The following PSPH variants were observed in gnomAD, a reference collection of about 807,000 sequenced individuals.
PSPH encodes the protein L-3-phosphoserine phosphatase.
A neutral mutation model predicts 23.4 loss-of-function variants in PSPH; 16 were observed. That is an observed-to-expected ratio of 0.68 (90% CI 0.46 to 1.04). The LOEUF (loss-of-function observed/expected upper bound fraction) is 1.04. Among genes scored for constraint, PSPH ranks in the 50% least tolerant of loss-of-function variants. The pLI is 0.00. For synonymous variants in PSPH, 68 were observed against 99.7 expected (o/e 0.68, Z 1.89); for missense variants, 223 against 273.7 (o/e 0.81, Z 1.31).
Position 56,011,680 on chromosome 7 carries a change from G to C in PSPH, c.*82C>G, listed in dbSNP as rs560531418. Reference sequence around the variant, plus strand: ...CAACTTTCTATAGCAAGTTGTAATAGGCAACTGTAAGCAAACAGTATCAAT... The same window carrying C: ...CAACTTTCTATAGCAAGTTGTAATACGCAACTGTAAGCAAACAGTATCAAT... On this transcript the variant is annotated 3_prime_UTR_variant, in exon 8 of 8. Transcript: ENST00000275605. 1 of 1,094,026 alleles carries C rather than the reference G, an allele frequency of 9.1e-7. No homozygotes were observed. Among genetic ancestry groups the C allele is most frequent in the Non-Finnish European group, 1.4e-6 (1 of 712,686 alleles). 67.8% of individuals were successfully genotyped at this position (1,094,026 alleles called of 1,614,324 possible). A position where few individuals can be genotyped will look rare whatever the true frequency, so the allele number is the denominator to read the frequency against.
At chr7:56,028,532 A>T (rs1433291231) in intron 3 of PSPH, among the ~76,000 whole-genome samples, 1 of 152,104 alleles carries the variant, frequency 6.6e-6, no homozygotes, top group Non-Finnish European at 1.5e-5. Context: ...ATGCTGGCCA[A>T]AATAGAATGT....
At chr7:56,012,148 G>A (rs1169936538) in intron 7 of PSPH, among the ~76,000 whole-genome samples, 1 of 151,552 alleles carries the variant, frequency 6.6e-6, no homozygotes, top group South Asian at 2.1e-4. Flanking sequence ...CTTCCAAAGT[G>A]CTGGGATTAC....
At chr7:56,020,486 G>A (rs1010829449) in intron 4 of PSPH, among the ~76,000 whole-genome samples, 14 of 151,834 alleles carry the variant, frequency 9.2e-5, no homozygotes, top group Non-Finnish European at 2.1e-4. Context: ...TTAGCCGAGC[G>A]TGGTGGCATG....
chr7:56,018,810 T>TA lies in PSPH; in HGVS notation c.275+789dup, dbSNP rs556233553. 8.9e-3 allele frequency among the ~76,000 whole-genome samples: 1,266 copies of TA among 141,720 alleles called. 11 individuals are homozygous for TA. The highest frequency in any genetic ancestry group is 0.037 in the South Asian group (169 of 4,516). 93.0% of individuals were successfully genotyped at this position (141,720 alleles called of 152,430 possible). A position where few individuals can be genotyped will look rare whatever the true frequency, so the allele number is the denominator to read the frequency against. ...GTGAGACCCTGTGTCTACAGAAAAT[T>TA]AAAAAAAAAAAAAATTAGGCATGGT... On this transcript the variant is annotated intron_variant, in intron 5 of 7. Coordinates refer to ENST00000275605, the MANE Select transcript of PSPH (RefSeq NM_004577.4).
chr7:56,015,299 C>G (rs4255091), intron 6 of PSPH, 128 bp from the exon 7 acceptor site: 295,949 of 993,812 alleles, frequency 0.3, 45,264 homozygotes, highest in East Asian at 0.42. Flanking sequence ...GGTAAAGTCA[C>G]ACAGCCTGGA....
At chr7:56,029,790 A>G (rs1457359116) in intron 3 of PSPH, among the ~76,000 whole-genome samples, 1 of 152,082 alleles carries the variant, frequency 6.6e-6, no homozygotes, top group East Asian at 1.9e-4. Context: ...TGCGAGAACC[A>G]AGCTTATTTG....
chr7:56,019,916 T>C, intron 4 of PSPH, 182 bp from the exon 5 acceptor site: 1 of 775,000 alleles, frequency 1.3e-6, no homozygotes, highest in Non-Finnish European at 2.2e-6. Context: ...GAAGGATTGC[T>C]TGAAAATAAC....
chr7:56,032,708 C>T (rs184001482), intron 2 of PSPH, among the ~76,000 whole-genome samples: 4 of 150,374 alleles, frequency 2.7e-5, no homozygotes, highest in Non-Finnish European at 5.9e-5. Flanking sequence ...CCCAGCACTT[C>T]GGGAGGCCGA....
intron 1 of PSPH, among the ~76,000 whole-genome samples, chr7:56,048,069 A>G (rs919802486): frequency 9.2e-5 from 14 of 152,118 alleles, no homozygotes; most frequent in African/African-American, 2.4e-4. Context: ...ACCTGAGGTC[A>G]GGAGTTCAAA....
Position 56,015,165 on chromosome 7 carries a change from T to C in PSPH, c.428A>G (p.Tyr143Cys), listed in dbSNP as rs368862839. 1 of 1,614,000 alleles carries C rather than the reference T, an allele frequency of 6.2e-7. No individual in the cohort carries two copies. The highest frequency in any genetic ancestry group is 8.5e-7 in the Non-Finnish European group (1 of 1,179,960). ...NRLKFYFNGE[Y>C]AGFDETQPTA... ...TGGCTGCGTCTCATCAAAACCTGCA[T>C]ATTCACCTTAAAAGAGAAATAAAAA... is the stretch of plus-strand genomic sequence containing the variant. The change falls in exon 7 of 8, where the codon TAT becomes TGT. Residue 143 changes from tyrosine to cysteine, a missense_variant. Physicochemically the swap from Tyr to Cys is radical, Grantham distance 194 (BLOSUM62 -2). Transcript: ENST00000275605.
At chr7:56,028,571 T>A (rs1308572170) in intron 3 of PSPH, among the ~76,000 whole-genome samples, 4 of 152,034 alleles carry the variant, frequency 2.6e-5, no homozygotes. Flanking sequence ...TGAATTTACT[T>A]GGAAGGCTGA....
In PSPH at chr7:56,011,820, T is replaced by A; in HGVS notation, c.620A>T (p.Asp207Val). 1 of 1,613,646 alleles carries A rather than the reference T, an allele frequency of 6.2e-7. No individual in the cohort carries two copies. The highest frequency in any genetic ancestry group is 2.2e-5 in the East Asian group (1 of 44,870). Residue 207 changes from aspartate to valine, a missense_variant, in exon 8 of 8, where the codon GAT (aspartate) becomes GTT (valine). Transcript: ENST00000275605. The part of the protein sequence containing the change: ...GGNVIRQQVK[D>V]NAKWYITDFV... ...ATCAGTGATATACCATTTGGCGTTA[T>A]CCTTGACTTGTTGCCTGATCACATT...
At chr7:56,018,386 C>T (rs762053862) in intron 5 of PSPH, among the ~76,000 whole-genome samples, 5 of 151,904 alleles carry the variant, frequency 3.3e-5, no homozygotes, top group Admixed American at 6.6e-5. Context: ...TAGGGTTTGT[C>T]TGCTTTAGGA....
At chr7:56,025,237 C>T (rs777763439) in intron 3 of PSPH, among the ~76,000 whole-genome samples, 1 of 152,114 alleles carries the variant, frequency 6.6e-6, no homozygotes. Flanking sequence ...TTTTTACACA[C>T]ACACATTATT....
intron 3 of PSPH, among the ~76,000 whole-genome samples, chr7:56,027,756 T>C (rs1790409974): frequency 6.7e-6 from 1 of 149,504 alleles, no homozygotes; most frequent in South Asian, 2.1e-4. Context: ...AGCAATAGTT[T>C]CAATGAGATT....
intron 3 of PSPH, among the ~76,000 whole-genome samples, chr7:56,024,211 G>A (rs1182315917): frequency 1.3e-5 from 2 of 151,394 alleles, no homozygotes; most frequent in African/African-American, 2.4e-5. Context: ...CACCGCGCCC[G>A]GCCTACTTTA....
At chr7:56,050,146 A>C (rs968079457) in intron 1 of PSPH, among the ~76,000 whole-genome samples, 20 of 152,130 alleles carry the variant, frequency 1.3e-4, no homozygotes, top group African/African-American at 4.8e-4. Context: ...TCACATATAT[A>C]GATGTTTTTG....
At chr7:56,019,158 T>C (rs1020959896) in intron 5 of PSPH, among the ~76,000 whole-genome samples, 1 of 151,688 alleles carries the variant, frequency 6.6e-6, no homozygotes, top group Admixed American at 6.6e-5. Context: ...AAAATAATAA[T>C]AGGCCGGGTG....
Position 56,019,623 on chromosome 7 carries a change from G to C in PSPH, c.252C>G (p.Pro84=), listed in dbSNP as rs961341538. 1 of 1,613,696 alleles carries C rather than the reference G, an allele frequency of 6.2e-7. No homozygotes were observed. Among genetic ancestry groups the C allele is most frequent in the Non-Finnish European group, 8.5e-7 (1 of 1,179,846 alleles). ...ACCTTATGCCGGGGGTCAGGTGTGGGGGTTGCTCTGCTATGAGTCTCTGCA... is the reference window on the plus strand; with the variant it reads ...ACCTTATGCCGGGGGTCAGGTGTGGCGGTTGCTCTGCTATGAGTCTCTGCA... ...EQVQRLIAEQ[P]PHLTPGIREL... Residue 84 remains proline, a synonymous_variant, in exon 5 of 8, where the codon CCC becomes CCG. Coordinates refer to ENST00000275605, the MANE Select transcript of PSPH (RefSeq NM_004577.4).
Sources: allele counts gnomAD v4.1 joint callset (sites outside exome capture counted in the v4.1 genomes callset), GRCh38; gene constraint gnomAD v4.1.1; transcripts MANE v1.5; gene names NCBI Gene and HGNC (gene_info 2026-07-23, HGNC 2026-07-21).